EYS: variants seen among roughly 807,000 people sequenced by gnomAD.
EYS encodes EGF-like photoreceptor maintenance factor.
A neutral mutation model predicts 282.1 loss-of-function variants in EYS; 250 were observed. That is an observed-to-expected ratio of 0.89 (90% CI 0.80 to 0.98). The LOEUF is 0.98. Among genes scored for constraint, EYS ranks in the 50% least tolerant of loss-of-function variants. The pLI, the probability that EYS is intolerant of heterozygous loss-of-function variation, is 0.00. For synonymous variants in EYS, 1,355 were observed against 1,282.9 expected, an observed-to-expected ratio of 1.06 and a Z score of -1.20; for missense variants, 4,016 against 3,709.0, an observed-to-expected ratio of 1.08 and a Z score of -2.15.
At chr6:65,257,599 C>T in intron 12 of EYS, among the ~76,000 whole-genome samples, 1 of 150,910 alleles carries the variant, frequency 6.6e-6, no homozygotes, top group African/African-American at 2.5e-5. Flanking sequence ...GGCGTTATTT[C>T]TGAGGGCTCT....
chr6:64,849,618 G>A (rs1379647060), intron 19 of EYS, among the ~76,000 whole-genome samples: 1 of 152,132 alleles, frequency 6.6e-6, no homozygotes, highest in Non-Finnish European at 1.5e-5. Context: ...AAAATTAGTT[G>A]TTGGCCAGAC....
intron 12 of EYS, among the ~76,000 whole-genome samples, chr6:65,166,513 C>T (rs762869688): frequency 3.3e-5 from 5 of 150,988 alleles, no homozygotes; most frequent in Non-Finnish European, 7.4e-5. Context: ...TTTTGTTTAT[C>T]CACATACAAA....
At chr6:63,912,738 G>T (rs1334479491) in intron 35 of EYS, among the ~76,000 whole-genome samples, 1 of 152,080 alleles carries the variant, frequency 6.6e-6, no homozygotes, top group East Asian at 1.9e-4. Flanking sequence ...TAGTGAGAGA[G>T]TTCTCATGAG....
At chr6:65,138,044 G>A (rs1430985091) in intron 12 of EYS, among the ~76,000 whole-genome samples, 1 of 151,912 alleles carries the variant, frequency 6.6e-6, no homozygotes, top group Non-Finnish European at 1.5e-5. Flanking sequence ...TGTACAAAAA[G>A]ATGAACCACT....
At chr6:64,763,348 C>CA (rs1773222419) in intron 22 of EYS, among the ~76,000 whole-genome samples, 1 of 152,016 alleles carries the variant, frequency 6.6e-6, no homozygotes, top group South Asian at 2.1e-4. Flanking sequence ...TGGCAGAGGG[C>CA]AAAAGGGAAG....
intron 18 of EYS, among the ~76,000 whole-genome samples, chr6:64,898,983 C>T (rs996959211): frequency 1.3e-5 from 2 of 151,956 alleles, no homozygotes; most frequent in South Asian, 2.1e-4. Context: ...TACAAAGAGA[C>T]TTAGACTCCA....
At chr6:65,642,642 A>T (rs1028641143) in intron 1 of EYS, among the ~76,000 whole-genome samples, 1 of 152,156 alleles carries the variant, frequency 6.6e-6, no homozygotes, top group Non-Finnish European at 1.5e-5. Flanking sequence ...TTAACTATAG[A>T]TAGGTCAATA....
chr6:64,598,911 G>A (rs1490295754), intron 24 of EYS, among the ~76,000 whole-genome samples: 1 of 152,170 alleles, frequency 6.6e-6, no homozygotes, highest in African/African-American at 2.4e-5. Flanking sequence ...CTCTGAACAG[G>A]GATATAAATT....
chr6:64,095,424 G>C (rs1772556832), intron 31 of EYS, among the ~76,000 whole-genome samples: 2 of 152,218 alleles, frequency 1.3e-5, no homozygotes, highest in South Asian at 4.2e-4. Context: ...CTTGCTTTAT[G>C]AATCTGGGTG....
intron 12 of EYS, among the ~76,000 whole-genome samples, chr6:65,226,882 C>T (rs78176034): frequency 0.014 from 2,145 of 152,184 alleles, 32 homozygotes; most frequent in African/African-American, 0.042. Context: ...AAATATCCAT[C>T]GGATGATAAA....
rs569036013 is a variant in EYS, at chr6:64,376,650, T to C, written c.6078+12040A>G. On this transcript the variant is annotated intron_variant, in intron 29 of 42. Coordinates refer to ENST00000503581, the MANE Select transcript of EYS (RefSeq NM_001142800.2). ...CATTGCTTCCACTACAGCTAACCTA[T>C]CAGACATCGCCTCTGGGATGAAGTC... Among the ~76,000 whole-genome samples, 11 of 152,316 alleles carry C rather than the reference T, an allele frequency of 7.2e-5. No homozygotes were observed. The East Asian group carries it at 2.1e-3, about 29-fold the overall frequency.
chr6:64,409,006 C>T (rs1232464945), intron 28 of EYS, among the ~76,000 whole-genome samples: 3 of 152,070 alleles, frequency 2.0e-5, no homozygotes, highest in Non-Finnish European at 4.4e-5. Flanking sequence ...TCCAAGTGTA[C>T]TCATTGTTTA....
At chr6:64,757,736 TTTTTTCTTTGTGTGTGTGTG>T (rs1772994770) in intron 22 of EYS, among the ~76,000 whole-genome samples, 1 of 131,900 alleles carries the variant, frequency 7.6e-6, no homozygotes, top group Non-Finnish European at 1.6e-5. Flanking sequence ...TTTTTTTTCT[TTTTTTCTTTGTGTGTGTGTG>T]TGTGTGTGTG....
At chr6:65,505,383 T>C (rs781219675) in intron 2 of EYS, among the ~76,000 whole-genome samples, 9 of 151,890 alleles carry the variant, frequency 5.9e-5, no homozygotes, top group Admixed American at 1.3e-4. Context: ...ATTTTCTTTA[T>C]TGTTTTTCTA....
chr6:65,142,029 C>T (rs953587491), intron 12 of EYS, among the ~76,000 whole-genome samples: 1 of 152,018 alleles, frequency 6.6e-6, no homozygotes, highest in East Asian at 1.9e-4. Context: ...AACTCCAGTA[C>T]ACTATCATTA....
chr6:63,839,862 G>C (rs867913468), intron 36 of EYS, among the ~76,000 whole-genome samples: 2 of 152,006 alleles, frequency 1.3e-5, no homozygotes, highest in Admixed American at 6.6e-5. Flanking sequence ...GTACATCCTC[G>C]CCAGCATTTG....
chr6:63,987,800 G>T (rs1767435879), intron 34 of EYS, among the ~76,000 whole-genome samples: 1 of 151,578 alleles, frequency 6.6e-6, no homozygotes, highest in African/African-American at 2.4e-5. Flanking sequence ...CTGGTGGGAG[G>T]ACAGTGTGAG....
intron 19 of EYS, among the ~76,000 whole-genome samples, chr6:64,868,883 G>A (rs999404852): frequency 4.0e-5 from 6 of 151,404 alleles, no homozygotes; most frequent in African/African-American, 1.2e-4. Context: ...GGACTTGCAC[G>A]AGACTTTTTA....
At chr6:64,079,442 T>A (rs921509057) in intron 32 of EYS, among the ~76,000 whole-genome samples, 1 of 152,128 alleles carries the variant, frequency 6.6e-6, no homozygotes, top group Non-Finnish European at 1.5e-5. Flanking sequence ...AATAATAAAA[T>A]CTTTTATGTA....
Sources: allele counts gnomAD v4.1 joint callset (sites outside exome capture counted in the v4.1 genomes callset), GRCh38; gene constraint gnomAD v4.1.1; transcripts MANE v1.5; gene names NCBI Gene and HGNC (gene_info 2026-07-23, HGNC 2026-07-21).